Variants in ROBO2 observed in about 807,000 individuals in gnomAD.
ROBO2 encodes roundabout guidance receptor 2.
A neutral mutation model predicts 160.8 loss-of-function variants in ROBO2; 53 were observed. The ratio of observed to expected loss-of-function variants is 0.33; its 90% CI spans 0.26 to 0.41. ROBO2 has a LOEUF of 0.41. Among genes scored for constraint, ROBO2 ranks in the 10% least tolerant of loss-of-function variants. The pLI is 1.00. For synonymous variants in ROBO2, 664 were observed against 611.7 expected, an observed-to-expected ratio of 1.09 and a Z score of -1.26; for missense variants, 1,577 against 1,722.4, an observed-to-expected ratio of 0.92 and a Z score of 1.49.
intron 2 of ROBO2, among the ~76,000 whole-genome samples, chr3:76,238,024 C>G (rs1307484194): frequency 6.6e-6 from 1 of 152,100 alleles, no homozygotes; most frequent in Non-Finnish European, 1.5e-5. Flanking sequence ...TTCTTTTACT[C>G]TAAAATGCCA....
At chr3:76,640,620 T>C (rs2090624285) in intron 2 of ROBO2, among the ~76,000 whole-genome samples, 1 of 151,846 alleles carries the variant, frequency 6.6e-6, no homozygotes, top group Non-Finnish European at 1.5e-5. Flanking sequence ...TGTGTGTGTG[T>C]GTGTGTGTGG....
intron 2 of ROBO2, among the ~76,000 whole-genome samples, chr3:76,674,481 A>T (rs983142901): frequency 3.9e-5 from 6 of 151,972 alleles, no homozygotes; most frequent in Non-Finnish European, 5.9e-5. Flanking sequence ...ACCCAGCTGG[A>T]CCCTGAGTTC....
chr3:77,461,091 AAAC>A (rs1434426515), intron 2 of ROBO2, among the ~76,000 whole-genome samples: 3 of 151,908 alleles, frequency 2.0e-5, no homozygotes, highest in East Asian at 1.9e-4. Context: ...TAATTGAAAA[AAAC>A]AACAACAACT....
At chr3:76,904,132 A>G (rs921409392) in intron 2 of ROBO2, among the ~76,000 whole-genome samples, 1 of 152,168 alleles carries the variant, frequency 6.6e-6, no homozygotes, top group African/African-American at 2.4e-5. Flanking sequence ...ATGGAGAAAA[A>G]ACATGTACTT....
Position 77,048,155 on chromosome 3 carries a change from C to T in ROBO2, c.61+7309C>T, listed in dbSNP as rs4074164. 5.5e-3 allele frequency among the ~76,000 whole-genome samples: 843 copies of T among 152,250 alleles called. 8 individuals are homozygous for T. Among genetic ancestry groups the T allele is most frequent in the African/African-American group, 0.02 (822 of 41,526 alleles). ...TTTTTATTAGATTATTATTCCCTGCCTAGTATGAACAAGGAAAATAACTAG... is the reference window on the plus strand; with the variant it reads ...TTTTTATTAGATTATTATTCCCTGCTTAGTATGAACAAGGAAAATAACTAG... On this transcript the variant is annotated intron_variant, in intron 1 of 25. Coordinates refer to ENST00000461745, the Ensembl canonical transcript of ROBO2.
chr3:76,426,073 G>A (rs546847355), intron 2 of ROBO2, among the ~76,000 whole-genome samples: 2 of 152,142 alleles, frequency 1.3e-5, no homozygotes, highest in African/African-American at 2.4e-5. Flanking sequence ...GTGCACAGAT[G>A]AGTGTTGAGA....
chr3:76,682,686 G>A (rs998288593), intron 2 of ROBO2, among the ~76,000 whole-genome samples: 13 of 152,262 alleles, frequency 8.5e-5, no homozygotes, highest in African/African-American at 2.6e-4. Flanking sequence ...GATTGAAGGC[G>A]TGAGCCACGG....
intron 2 of ROBO2, among the ~76,000 whole-genome samples, chr3:76,809,332 G>A (rs142443580): frequency 0.015 from 2,278 of 152,180 alleles, 48 homozygotes; most frequent in African/African-American, 0.05. Flanking sequence ...TGGCCAGTGA[G>A]TGGAGTCTCT....
chr3:76,715,837 T>C (rs1695661778), intron 2 of ROBO2, among the ~76,000 whole-genome samples: 1 of 152,136 alleles, frequency 6.6e-6, no homozygotes, highest in South Asian at 2.1e-4. Flanking sequence ...TATTGGAGAA[T>C]AGAAACCAGA....
chr3:76,915,665 C>T lies in ROBO2; in HGVS notation c.110-182349C>T, dbSNP rs371284971. On this transcript the variant is annotated intron_variant, in intron 2 of 26. Transcript: ENST00000487694. Reference sequence around the variant, plus strand: ...AGCCTGGGTAACAGAGTGAAACTCTCGCTCTCAAAAAAAAAAAAAAAAGAA... The same window carrying T: ...AGCCTGGGTAACAGAGTGAAACTCTTGCTCTCAAAAAAAAAAAAAAAAGAA... Among the ~76,000 whole-genome samples, 23 of 128,036 alleles carry T rather than the reference C, an allele frequency of 1.8e-4. No individual in the cohort carries two copies. In the South Asian group the frequency reaches 2.8e-3, roughly 16 times the overall value. 84.0% of individuals were successfully genotyped at this position (128,036 alleles called of 152,430 possible). A position where few individuals can be genotyped will look rare whatever the true frequency, so the allele number is the denominator to read the frequency against.
At chr3:76,608,308 G>A (rs1477278724) in intron 2 of ROBO2, among the ~76,000 whole-genome samples, 3 of 152,182 alleles carry the variant, frequency 2.0e-5, no homozygotes, top group Non-Finnish European at 2.9e-5. Context: ...TATACCTTCA[G>A]TGGGGAGAGA....
chr3:75,977,475 A>C (rs1015071427), intron 2 of ROBO2, among the ~76,000 whole-genome samples: 3 of 151,566 alleles, frequency 2.0e-5, no homozygotes, highest in Admixed American at 6.6e-5. Flanking sequence ...TTGAATCCAT[A>C]AAGTTGGAAA....
chr3:77,047,967 A>G (rs1223471439), intron 1 of ROBO2, among the ~76,000 whole-genome samples: 1 of 151,928 alleles, frequency 6.6e-6, no homozygotes, highest in Non-Finnish European at 1.5e-5. Flanking sequence ...GAATGGCTTG[A>G]ACCTGGGAGG....
intron 2 of ROBO2, among the ~76,000 whole-genome samples, chr3:77,206,724 A>G (rs2083490737): frequency 6.6e-6 from 1 of 152,098 alleles, no homozygotes; most frequent in African/African-American, 2.4e-5. Context: ...TTTGCATGAA[A>G]TTAATTTAGT....
chr3:76,520,615 A>G (rs1481261061), intron 2 of ROBO2, among the ~76,000 whole-genome samples: 1 of 152,176 alleles, frequency 6.6e-6, no homozygotes, highest in Non-Finnish European at 1.5e-5. Context: ...TCAGGTCCAA[A>G]TCAATAATGT....
intron 1 of ROBO2, among the ~76,000 whole-genome samples, chr3:75,930,951 T>G (rs1202154885): frequency 6.6e-6 from 1 of 152,214 alleles, no homozygotes; most frequent in African/African-American, 2.4e-5. Flanking sequence ...GTTAGCTACA[T>G]AGAAACCAAA....
chr3:76,442,059 A>AT (rs963940235), intron 2 of ROBO2, among the ~76,000 whole-genome samples: 5 of 152,218 alleles, frequency 3.3e-5, no homozygotes, highest in African/African-American at 9.6e-5. Context: ...TACAGTGAAT[A>AT]TAACGGCCAA....
chr3:76,833,212 T>G (rs1341077499), intron 2 of ROBO2, among the ~76,000 whole-genome samples: 2 of 152,172 alleles, frequency 1.3e-5, no homozygotes, highest in Non-Finnish European at 2.9e-5. Flanking sequence ...GGGTTTCAAA[T>G]GCCCCTTAGG....
chr3:76,835,567 A>G (rs1157503960), intron 2 of ROBO2, among the ~76,000 whole-genome samples: 1 of 151,554 alleles, frequency 6.6e-6, no homozygotes, highest in African/African-American at 2.4e-5. Flanking sequence ...GATCGTTGAT[A>G]CATATGTTAA....
Sources: allele counts gnomAD v4.1 joint callset (sites outside exome capture counted in the v4.1 genomes callset), GRCh38; gene constraint gnomAD v4.1.1; transcripts MANE v1.5; gene names NCBI Gene and HGNC (gene_info 2026-07-23, HGNC 2026-07-21).